HTR3A: variants seen among roughly 807,000 people sequenced by gnomAD.
HTR3A encodes 5-hydroxytryptamine receptor 3A, also known as 5-hydroxytryptamine (serotonin) receptor 3A, ionotropic.
Under a neutral mutation model 54.8 loss-of-function variants are expected in HTR3A, and 45 were observed. The observed-to-expected ratio is 0.82, with a 90% CI of 0.65 to 1.05. The LOEUF is 1.05. Among genes scored for constraint, HTR3A ranks in the 50% least tolerant of loss-of-function variants. The pLI is 0.00. For missense variants in HTR3A, 657 were observed against 614.0 expected (o/e 1.07, Z -0.74); for synonymous variants, 297 against 256.0 (o/e 1.16, Z -1.53).
intron 5 of HTR3A, 75 bp from the exon 6 acceptor site, chr11:113,985,940 T>A: frequency 6.5e-7 from 1 of 1,528,770 alleles, no homozygotes; most frequent in Middle Eastern, 1.8e-4. Flanking sequence ...GCTGCCCACC[T>A]GTGTCCCATC....
At chr11:113,981,147 C>A in intron 3 of HTR3A, 56 bp from the exon 4 acceptor site, 1 of 1,087,980 alleles carries the variant, frequency 9.2e-7, no homozygotes, top group Non-Finnish European at 1.4e-6. Flanking sequence ...GAGTTGCAGG[C>A]GACCCTCACT....
rs1950529365 is a variant in HTR3A at position 113,989,685 on chromosome 11, A to G, written c.1359A>G (p.Leu453=). The change falls in exon 9 of 9, where the codon CTA becomes CTG. Residue 453 remains leucine (L), a synonymous_variant. Coordinates refer to ENST00000504030, the MANE Select transcript of HTR3A (RefSeq NM_000869.6). The surrounding 1 kb of genome is among the most constrained non-coding windows in gnomAD (Gnocchi z 4.4). The part of the protein sequence containing the change: ...LRVGSVLDKL[L]FHIYLLAVLA... Reference sequence around the variant, plus strand: ...TGGGCTCCGTGCTGGACAAGCTGCTATTCCACATTTACCTGCTAGCGGTGC... The same window carrying G: ...TGGGCTCCGTGCTGGACAAGCTGCTGTTCCACATTTACCTGCTAGCGGTGC... 6.2e-7 allele frequency: 1 copy of G among 1,614,152 alleles called. No individual in the cohort carries two copies.
At position 113,975,249 on chromosome 11, in the gene HTR3A, C is replaced by A; in HGVS notation, c.-77C>A. On this transcript the variant is annotated 5_prime_UTR_variant, in exon 1 of 9. Transcript: ENST00000504030. ...CAGGCTGGCTGGGACATGAGGTTGG[C>A]AGAGGGCAGGCAAGCTGGCCCTTGG... 6.9e-7 allele frequency: 1 copy of A among 1,440,990 alleles called. No homozygotes were observed. Among genetic ancestry groups the A allele is most frequent in the Non-Finnish European group, 9.7e-7 (1 of 1,035,528 alleles). The allele number at this position is 1,440,990 out of a possible 1,614,324, so 89.3% of individuals were successfully genotyped here.
At chr11:113,977,692 A>G in intron 1 of HTR3A, 79 bp from the exon 2 acceptor site, 2 of 1,560,166 alleles carry the variant, frequency 1.3e-6, no homozygotes, top group Non-Finnish European at 1.7e-6. Flanking sequence ...GTCTCTTTTA[A>G]CAGCTTACAA....
At chr11:113,980,982 C>A in intron 3 of HTR3A, 1 of 558,544 alleles carries the variant, frequency 1.8e-6, no homozygotes, top group East Asian at 3.1e-5. Context: ...TGGGGCAAGG[C>A]TACATCTAGC....
Position 113,989,871 on chromosome 11 carries a change from CACAG to C in HTR3A, c.*112_*115del, listed in dbSNP as rs1229128849. 3 of 1,255,456 alleles carry C rather than the reference CACAG, an allele frequency of 2.4e-6. No homozygotes were observed. Among genetic ancestry groups the C allele is most frequent in the Admixed American group, 3.4e-5 (2 of 58,148 alleles). 77.8% of individuals were successfully genotyped at this position (1,255,456 alleles called of 1,614,324 possible). On this transcript the variant is annotated 3_prime_UTR_variant, in exon 9 of 9. Coordinates refer to ENST00000504030, the MANE Select transcript of HTR3A (RefSeq NM_000869.6). The surrounding 1 kb of genome is among the most constrained non-coding windows in gnomAD (Gnocchi z 4.4). ...GGGAATGCCAGGGACATTTTCAAGACACAGACAAAGTCCCGTGCCCTGTTTCCAA... is the reference window on the plus strand; with the variant it reads ...GGGAATGCCAGGGACATTTTCAAGACACAAAGTCCCGTGCCCTGTTTCCAA...
chr11:113,988,020 A>G (rs1950512582), intron 8 of HTR3A, among the ~76,000 whole-genome samples: 1 of 152,210 alleles, frequency 6.6e-6, no homozygotes, highest in African/African-American at 2.4e-5. Flanking sequence ...GCTATAGAGA[A>G]TTTGCTTGTC....
chr11:113,976,690 C>G (rs1950356024), intron 1 of HTR3A, among the ~76,000 whole-genome samples: 1 of 142,152 alleles, frequency 7.0e-6, no homozygotes, highest in Non-Finnish European at 1.5e-5. Context: ...GAGGGGGAAT[C>G]TGCAGGAGTG....
At position 113,989,360 on chromosome 11, in the gene HTR3A, A is replaced by T. The variant is rs188104444; in HGVS notation, c.1139-105A>T. 5,624 of 1,313,542 alleles carry T rather than the reference A, an allele frequency of 4.3e-3. 13 individuals carry two copies. Among genetic ancestry groups the T allele is most frequent in the Non-Finnish European group, 5.4e-3 (4,951 of 912,934 alleles). 81.4% of individuals were successfully genotyped at this position (1,313,542 alleles called of 1,614,324 possible). Reference sequence around the variant, plus strand: ...CCTGGGTGACAGAGTGAGAAAAAAAAAGTTATTCCCAACAAAAATTTACAG... The same window carrying T: ...CCTGGGTGACAGAGTGAGAAAAAAATAGTTATTCCCAACAAAAATTTACAG... On this transcript the variant is annotated intron_variant, in intron 8 of 8. Coordinates refer to ENST00000504030, the MANE Select transcript of HTR3A (RefSeq NM_000869.6). The surrounding 1 kb of genome is among the most constrained non-coding windows in gnomAD (Gnocchi z 4.4).
intron 4 of HTR3A, 68 bp from the exon 5 acceptor site, chr11:113,983,052 A>C: frequency 1.3e-6 from 2 of 1,586,884 alleles, no homozygotes; most frequent in Non-Finnish European, 1.7e-6. Flanking sequence ...AGTTGTTCCA[A>C]GATCTTCAGG....
intron 1 of HTR3A, among the ~76,000 whole-genome samples, chr11:113,976,571 TTG>T (rs34498899): frequency 0.043 from 5,753 of 135,294 alleles, 419 homozygotes; most frequent in African/African-American, 0.15. Flanking sequence ...AAAAAATAGT[TTG>T]TGTGTGTGTG....
Position 113,975,486 on chromosome 11 carries a change from G to A in HTR3A, c.67+94G>A, listed in dbSNP as rs187024160. The A allele has an allele frequency of 2.4e-4, 250 of 1,053,640 alleles. 1 individual carries two copies. The African/African-American group carries it at 3.6e-3, about 15-fold the overall frequency. The allele number at this position is 1,053,640 out of a possible 1,614,324, so 65.3% of individuals were successfully genotyped here. On this transcript the variant is annotated intron_variant, in intron 1 of 8. Transcript: ENST00000504030. Reference sequence around the variant, plus strand: ...GTCCTCCGAGGGCTGTGGAGAGGAGGGTGGGGAACAGTGCAGCTGCAGGAA... The same window carrying A: ...GTCCTCCGAGGGCTGTGGAGAGGAGAGTGGGGAACAGTGCAGCTGCAGGAA...
rs1291776872 is a variant in HTR3A at position 113,989,234 on chromosome 11, G to A, written c.1139-231G>A. Among the ~76,000 whole-genome samples, 3 of 151,076 alleles carry A rather than the reference G, an allele frequency of 2.0e-5. No homozygotes were observed. The highest frequency in any genetic ancestry group is 4.4e-5 in the Non-Finnish European group (3 of 67,854). ...AAAAATTAGCCAGGTGTAGTGGCAC[G>A]TGCCTGTAATCCCAGCTACTTGGGA... On this transcript the variant is annotated intron_variant, in intron 8 of 8. Transcript: ENST00000504030. The surrounding 1 kb of genome is among the most constrained non-coding windows in gnomAD (Gnocchi z 4.4).
Position 113,983,307 on chromosome 11 carries a change from G to T in HTR3A, c.544+18G>T, listed in dbSNP as rs779323410. On this transcript the variant is annotated intron_variant, in intron 5 of 8. Transcript: ENST00000504030. Reference sequence around the variant, plus strand: ...GCACACCAGTGAGTATGTGGGCTTCGCCGGGACAGGGGTGGAGGTTGGGGG... The same window carrying T: ...GCACACCAGTGAGTATGTGGGCTTCTCCGGGACAGGGGTGGAGGTTGGGGG... 2 of 1,613,220 alleles carry T rather than the reference G, an allele frequency of 1.2e-6. No individual in the cohort carries two copies. Among genetic ancestry groups the T allele is most frequent in the Non-Finnish European group, 1.7e-6 (2 of 1,180,028 alleles).
chr11:113,989,970 C>A lies in HTR3A; in HGVS notation c.*207C>A, dbSNP rs1170212320. On this transcript the variant is annotated 3_prime_UTR_variant, in exon 9 of 9. Coordinates refer to ENST00000504030, the MANE Select transcript of HTR3A (RefSeq NM_000869.6). This position sits in a 1 kb window ranked among gnomAD's most constrained non-coding sequence, Gnocchi z 4.4. Reference sequence around the variant, plus strand: ...CACCAAAAACTGGGTGTTCAAGGCCCTTACACCCTTGTCCCACCCCCAGCA... The same window carrying A: ...CACCAAAAACTGGGTGTTCAAGGCCATTACACCCTTGTCCCACCCCCAGCA... 2.8e-6 allele frequency: 2 copies of A among 702,966 alleles called. No individual in the cohort carries two copies. The highest frequency in any genetic ancestry group is 5.1e-6 in the Non-Finnish European group (2 of 390,408). The allele number at this position is 702,966 out of a possible 1,614,324, so 43.5% of individuals were successfully genotyped here.
At position 113,989,548 on chromosome 11, in the gene HTR3A, C is replaced by A; in HGVS notation, c.1222C>A (p.Pro408Thr). The change falls in exon 9 of 9, where the codon CCT (proline) becomes ACT (threonine). Residue 408 changes from proline (P) to threonine (T), a missense_variant. Pro to Thr is a conservative substitution (Grantham distance 38). Coordinates refer to ENST00000504030, the MANE Select transcript of HTR3A (RefSeq NM_000869.6). The surrounding 1 kb of genome is among the most constrained non-coding windows in gnomAD (Gnocchi z 4.4). ...GGACAGATGTAGCCCTCCCCCACCA[C>A]CTCGGGAGGCCTCGCTGGCGGTGTG... is the stretch of plus-strand genomic sequence containing the variant. ...PRDRCSPPPPPREASLAVCGL... is the reference protein window; with the variant it reads ...PRDRCSPPPPTREASLAVCGL... The A allele has an allele frequency of 6.2e-7, 1 of 1,614,196 alleles. No individual in the cohort carries two copies. The highest frequency in any genetic ancestry group is 1.1e-5 in the South Asian group (1 of 91,084).
Position 113,989,717 on chromosome 11 carries a change from A to C in HTR3A, c.1391A>C (p.Tyr464Ser), listed in dbSNP as rs760895173. 6.8e-6 allele frequency: 11 copies of C among 1,613,590 alleles called. No homozygotes were observed. Among genetic ancestry groups the C allele is most frequent in the Non-Finnish European group, 9.3e-6 (11 of 1,180,006 alleles). ...ATTTACCTGCTAGCGGTGCTGGCCT[A>C]CAGCATCACCCTGGTTATGCTCTGG... ...FHIYLLAVLAYSITLVMLWSI... is the reference protein window; with the variant it reads ...FHIYLLAVLASSITLVMLWSI... The change falls in exon 9 of 9, where the codon TAC becomes TCC. Residue 464 changes from tyrosine to serine, a missense_variant. Tyr to Ser is a moderately radical substitution (Grantham distance 144). Coordinates refer to ENST00000504030, the MANE Select transcript of HTR3A (RefSeq NM_000869.6). This position sits in a 1 kb window ranked among gnomAD's most constrained non-coding sequence, Gnocchi z 4.4.
In HTR3A at chr11:113,986,912, T is replaced by G; in HGVS notation, c.1004T>G (p.Leu335Arg). Residue 335 changes from leucine to arginine, a missense_variant, in exon 8 of 9, where the codon CTG (leucine) becomes CGG (arginine). By Grantham distance (102) the Leu-to-Arg change is moderately radical. Coordinates refer to ENST00000504030, the MANE Select transcript of HTR3A (RefSeq NM_000869.6). Reference sequence around the variant, plus strand: ...GTGCGGCTGGTGCACAAGCAAGACCTGCAGCAGCCCGTGCCTGCTTGGCTG... The same window carrying G: ...GTGCGGCTGGTGCACAAGCAAGACCGGCAGCAGCCCGTGCCTGCTTGGCTG... ...FIVRLVHKQD[L>R]QQPVPAWLRH... 3 of 1,614,186 alleles carry G rather than the reference T, an allele frequency of 1.9e-6. No homozygotes were observed. The highest frequency in any genetic ancestry group is 2.2e-5 in the South Asian group (2 of 91,088).
intron 4 of HTR3A, among the ~76,000 whole-genome samples, chr11:113,982,131 G>T (rs1950428641): frequency 6.6e-6 from 1 of 152,118 alleles, no homozygotes; most frequent in South Asian, 2.1e-4. Context: ...TTTACTCCTG[G>T]CAGCCAAACA....
Sources: allele counts gnomAD v4.1 joint callset (sites outside exome capture counted in the v4.1 genomes callset), GRCh38; gene constraint gnomAD v4.1.1; non-coding constraint Gnocchi (gnomAD v3.1); transcripts MANE v1.5; gene names NCBI Gene and HGNC (gene_info 2026-07-23, HGNC 2026-07-21).